The following CNTNAP2 variants were observed in gnomAD, a reference collection of about 807,000 sequenced individuals.
CNTNAP2 encodes contactin-associated protein-like 2.
Under a neutral mutation model 155.2 loss-of-function variants are expected in CNTNAP2, and 98 were observed. That is an observed-to-expected ratio of 0.63 (90% confidence interval 0.54 to 0.75). The LOEUF (loss-of-function observed/expected upper bound fraction) is 0.75, where lower values mean the gene tolerates loss of function less well. Ranked by LOEUF, CNTNAP2 falls within the 30% of genes least tolerant of loss-of-function variation. CNTNAP2 has a pLI of 0.00. For synonymous variants in CNTNAP2, 651 were observed against 631.2 expected (o/e 1.03, Z -0.47); for missense variants, 1,727 against 1,688.1 (o/e 1.02, Z -0.40).
intron 11 of CNTNAP2, among the ~76,000 whole-genome samples, chr7:147,553,264 T>G (rs1799886176): frequency 6.6e-6 from 1 of 152,052 alleles, no homozygotes; most frequent in African/African-American, 2.4e-5. Flanking sequence ...TGCAGATGAA[T>G]AGAGAAGATG....
rs577011240 is a variant in CNTNAP2 at position 146,611,900 on chromosome 7, C to T, written c.98-162371C>T. On this transcript the variant is annotated intron_variant, in intron 1 of 23. Coordinates refer to ENST00000361727, the MANE Select transcript of CNTNAP2 (RefSeq NM_014141.6). ...AACAGAAAGTCTTCTTTTGCAAAAT[C>T]ACATGCAGACTTTTCAATATTGAAA... Among the ~76,000 whole-genome samples, 51 of 152,264 alleles carry T rather than the reference C, an allele frequency of 3.3e-4. 1 individual carries two copies. The highest frequency in any genetic ancestry group is 1.2e-3 in the African/African-American group (50 of 41,546).
At chr7:147,071,773 A>G (rs1224268792) in intron 4 of CNTNAP2, among the ~76,000 whole-genome samples, 1 of 152,232 alleles carries the variant, frequency 6.6e-6, no homozygotes, top group Non-Finnish European at 1.5e-5. Context: ...ATGCTGGTCT[A>G]TGTAGTACTA....
intron 3 of CNTNAP2, among the ~76,000 whole-genome samples, chr7:146,842,483 G>A (rs955044326): frequency 6.6e-6 from 1 of 152,080 alleles, no homozygotes; most frequent in Non-Finnish European, 1.5e-5. Context: ...ATGTTAGTCT[G>A]TTCTTGCACT....
At chr7:146,795,031 T>C (rs1367123527) in intron 2 of CNTNAP2, among the ~76,000 whole-genome samples, 1 of 152,186 alleles carries the variant, frequency 6.6e-6, no homozygotes, top group Non-Finnish European at 1.5e-5. Flanking sequence ...GGGCACCCAT[T>C]GCCTTTGAAG....
chr7:147,708,765 T>A (rs79733390), intron 13 of CNTNAP2, among the ~76,000 whole-genome samples: 4,283 of 152,286 alleles, frequency 0.028, 88 homozygotes, highest in Middle Eastern at 0.11. Flanking sequence ...TTTTTTGTTT[T>A]GGTTGTGTCC....
At chr7:146,812,074 T>C (rs1467191834) in intron 2 of CNTNAP2, among the ~76,000 whole-genome samples, 5 of 152,076 alleles carry the variant, frequency 3.3e-5, no homozygotes. Flanking sequence ...GAATGGGGTG[T>C]TGCTGTATAG....
At chr7:147,511,059 C>G (rs1361281340) in intron 11 of CNTNAP2, among the ~76,000 whole-genome samples, 2 of 151,552 alleles carry the variant, frequency 1.3e-5, no homozygotes, top group African/African-American at 4.9e-5. Context: ...TGGGCACCAT[C>G]CCTTCTGATT....
In CNTNAP2 at chr7:147,633,575, C is replaced by A. The variant is rs146157452; in HGVS notation, c.1898-5531C>A. Among the ~76,000 whole-genome samples, 337 of 152,170 alleles carry A rather than the reference C, an allele frequency of 2.2e-3. 2 individuals are homozygous for A. Among genetic ancestry groups the A allele is most frequent in the African/African-American group, 7.6e-3 (316 of 41,524 alleles). On this transcript the variant is annotated intron_variant, in intron 12 of 23. Transcript: ENST00000361727. ...AAGAATGGTATGCCTTGGCTATGTC[C>A]CCACCCAAATCTCATCCTGAATTAT...
chr7:148,067,871 T>C (rs1163951729), intron 15 of CNTNAP2, among the ~76,000 whole-genome samples: 1 of 152,144 alleles, frequency 6.6e-6, no homozygotes, highest in East Asian at 1.9e-4. Context: ...AATGGAGTTA[T>C]GTTCCCAGGG....
At chr7:146,999,870 A>G (rs1426821777) in intron 3 of CNTNAP2, among the ~76,000 whole-genome samples, 3 of 152,034 alleles carry the variant, frequency 2.0e-5, no homozygotes, top group Non-Finnish European at 4.4e-5. Flanking sequence ...TTTAAATTAA[A>G]TCAGAATGAA....
chr7:146,322,234 G>A (rs952426127), intron 1 of CNTNAP2, among the ~76,000 whole-genome samples: 1 of 152,122 alleles, frequency 6.6e-6, no homozygotes, highest in African/African-American at 2.4e-5. Context: ...ACTGATAGCT[G>A]CCTGAAACAG....
intron 15 of CNTNAP2, among the ~76,000 whole-genome samples, chr7:148,013,741 A>C (rs919855566): frequency 6.6e-6 from 1 of 152,202 alleles, no homozygotes; most frequent in African/African-American, 2.4e-5. Flanking sequence ...AGGACTTGCT[A>C]TTGATTACGT....
chr7:146,531,668 C>T (rs1204291144), intron 1 of CNTNAP2, among the ~76,000 whole-genome samples: 1 of 152,104 alleles, frequency 6.6e-6, no homozygotes, highest in African/African-American at 2.4e-5. Context: ...GCCTCAGCCT[C>T]CCAAGTAGCG....
rs140980031 is a variant in CNTNAP2, at chr7:147,689,132, G to A, written c.2098+49826G>A. Among the ~76,000 whole-genome samples, 632 of 150,774 alleles carry A rather than the reference G, an allele frequency of 4.2e-3. 5 individuals carry two copies. Among genetic ancestry groups the A allele is most frequent in the African/African-American group, 0.014 (574 of 41,220 alleles). ...GATTTTTTTTTTATTTCTTGAAAGC[G>A]GAGTATTCATAATTACTACTTTTTT... On this transcript the variant is annotated intron_variant, in intron 13 of 23. Transcript: ENST00000361727.
rs745449281 is a variant in CNTNAP2, at chr7:146,121,119, C to CTTTTTTTTTTTTTTT, written c.97+4159_97+4173dup. 7.6e-4 allele frequency among the ~76,000 whole-genome samples: 50 copies of CTTTTTTTTTTTTTTT among 65,786 alleles called. 2 individuals are homozygous for CTTTTTTTTTTTTTTT. The highest frequency in any genetic ancestry group is 1.0e-3 in the Non-Finnish European group (35 of 34,816). 43.2% of individuals were successfully genotyped at this position (65,786 alleles called of 152,430 possible). On this transcript the variant is annotated intron_variant, in intron 1 of 23. Transcript: ENST00000361727. ...TGTCTTAAAGTTTACATAAAGCTTC[C>CTTTTTTTTTTTTTTT]TTTTTTTTTTTTTTTTTTTTTTTTT...
intron 13 of CNTNAP2, among the ~76,000 whole-genome samples, chr7:147,677,575 A>G (rs1795889090): frequency 2.6e-5 from 4 of 151,750 alleles, no homozygotes; most frequent in South Asian, 4.1e-4. Flanking sequence ...TTGAAGTTAT[A>G]TCCAAAAATC....
intron 13 of CNTNAP2, among the ~76,000 whole-genome samples, chr7:147,739,155 T>C (rs192340732): frequency 9.9e-4 from 150 of 152,116 alleles, no homozygotes; most frequent in African/African-American, 3.4e-3. Flanking sequence ...TTTTTTTTTT[T>C]TTCTTAAATA....
intron 1 of CNTNAP2, among the ~76,000 whole-genome samples, chr7:146,444,464 C>G (rs1347762687): frequency 1.3e-5 from 2 of 152,144 alleles, no homozygotes; most frequent in Non-Finnish European, 2.9e-5. Context: ...ACCCAGGATT[C>G]TTCCTAGGTG....
At chr7:148,106,493 G>GAGATATATATATATATATAT (rs1554472856) in intron 15 of CNTNAP2, among the ~76,000 whole-genome samples, 13 of 124,910 alleles carry the variant, frequency 1.0e-4, no homozygotes, top group African/African-American at 3.8e-4. Flanking sequence ...CACACTTTGA[G>GAGATATATATATATATATAT]ATATATATAT....
Sources: gnomAD v4.1 joint callset for allele counts (sites outside exome capture counted in the v4.1 genomes callset) on GRCh38, gnomAD v4.1.1 for gene constraint, MANE v1.5 for transcripts, NCBI Gene and HGNC (gene_info 2026-07-23, HGNC 2026-07-21) for gene names.